NRG2: variants seen among roughly 807,000 people sequenced by gnomAD.
NRG2 encodes the protein pro-neuregulin-2, membrane-bound isoform.
In NRG2, 27 loss-of-function variants were observed where a neutral mutation model predicts 73.9. That is an observed-to-expected ratio of 0.37 (90% confidence interval 0.27 to 0.50). NRG2 has a LOEUF of 0.50. Ranked by LOEUF, NRG2 falls within the 20% of genes least tolerant of loss-of-function variation. The probability of loss-of-function intolerance (pLI) is 0.96; values close to 1 mark genes in which losing one functional copy is unlikely to be tolerated. For missense variants in NRG2, 1,126 were observed against 1,210.1 expected, an observed-to-expected ratio of 0.93 and a Z score of 1.03; for synonymous variants, 532 against 541.0, an observed-to-expected ratio of 0.98 and a Z score of 0.23.
At chr5:139,947,716 A>G (rs1345935818) in intron 1 of NRG2, among the ~76,000 whole-genome samples, 1 of 152,168 alleles carries the variant, frequency 6.6e-6, no homozygotes, top group Non-Finnish European at 1.5e-5. Context: ...AACATTTATT[A>G]TTATGCATCT....
chr5:139,905,690 G>C (rs1002266760), intron 1 of NRG2, among the ~76,000 whole-genome samples: 1 of 152,068 alleles, frequency 6.6e-6, no homozygotes, highest in Non-Finnish European at 1.5e-5. Flanking sequence ...TGGTGGGGGG[G>C]GGGCAGGTGT....
At chr5:140,016,182 G>C (rs1759763324) in intron 1 of NRG2, among the ~76,000 whole-genome samples, 1 of 152,204 alleles carries the variant, frequency 6.6e-6, no homozygotes. Context: ...ACTTGTAGGA[G>C]AGGCAGAAGG....
chr5:139,939,250 TTC>T (rs1214645834), intron 1 of NRG2, among the ~76,000 whole-genome samples: 6 of 149,430 alleles, frequency 4.0e-5, no homozygotes, highest in African/African-American at 1.5e-4. Flanking sequence ...CTTCCTTTCT[TTC>T]TTTCTTTCTT....
intron 1 of NRG2, among the ~76,000 whole-genome samples, chr5:139,989,995 A>C (rs398299): frequency 6.6e-6 from 1 of 151,062 alleles, no homozygotes; most frequent in Admixed American, 6.6e-5. Flanking sequence ...TCACCATGTT[A>C]GCCAGGATGG....
chr5:139,908,130 A>G (rs1256862755), intron 1 of NRG2, among the ~76,000 whole-genome samples: 1 of 152,262 alleles, frequency 6.6e-6, no homozygotes, highest in African/African-American at 2.4e-5. Context: ...ACTAGGACCC[A>G]TGCTCTTTAC....
intron 1 of NRG2, among the ~76,000 whole-genome samples, chr5:139,961,307 G>C (rs150206860): frequency 6.6e-6 from 1 of 152,098 alleles, no homozygotes; most frequent in African/African-American, 2.4e-5. Flanking sequence ...TCCCTGACTT[G>C]AGCCTCTACT....
At position 139,853,064 on chromosome 5, in the gene NRG2, C is replaced by A; in HGVS notation, c.1293-37G>T. On this transcript the variant is annotated intron_variant, in intron 6 of 9. Coordinates refer to ENST00000361474, the MANE Select transcript of NRG2 (RefSeq NM_004883.3). The surrounding 1 kb of genome is among the most constrained non-coding windows in gnomAD (Gnocchi z 4.1). ...AAGGGAAGGTGAGGCTGGCATTCCC[C>A]CCACTCGCCAACGATGAACTTCCCT... The A allele has an allele frequency of 6.2e-7, 1 of 1,610,730 alleles. No individual in the cohort carries two copies. Among genetic ancestry groups the A allele is most frequent in the South Asian group, 1.1e-5 (1 of 90,582 alleles).
chr5:139,871,746 C>G lies in NRG2; in HGVS notation c.1087G>C (p.Glu363Gln). 1.2e-6 allele frequency: 2 copies of G among 1,614,074 alleles called. No homozygotes were observed. Among genetic ancestry groups the G allele is most frequent in the South Asian group, 2.2e-5 (2 of 91,068 alleles). The change falls in exon 4 of 10, where the codon GAG (glutamate) becomes CAG (glutamine). Residue 363 changes from glutamate (E) to glutamine (Q), a missense_variant. Around this residue, in one of 3 missense-constraint regions of NRG2, gnomAD observed 539 missense variants for 703.2 expected, o/e 0.77. Coordinates refer to ENST00000361474, the MANE Select transcript of NRG2 (RefSeq NM_004883.3). ...TTGCAGGAGAGCTGGTTGATGCCCT[C>G]GATGTAGTAGCAGACGCCTCCATTG... ...CVNGGVCYYI[E>Q]GINQLSCKCP...
Position 139,852,507 on chromosome 5 carries a change from T to G in NRG2, c.1469A>C (p.Glu490Ala), listed in dbSNP as rs545788937. ...GGAGTGGCTCCCAGAGAAGGTGGTC[T>G]CAGTTTCTCTCCTGATGACATGGTC... ...ATDHVIRRET[E>A]TTFSGSHSCS... is the part of the protein sequence containing the mutation. The change falls in exon 8 of 10, where the codon GAG becomes GCG. Residue 490 changes from glutamate (E) to alanine (A), a missense_variant. By Grantham distance (107) the Glu-to-Ala change is moderately radical. Around this residue, in one of 3 missense-constraint regions of NRG2, gnomAD observed 539 missense variants for 703.2 expected, o/e 0.77. Transcript: ENST00000361474. The surrounding 1 kb of genome is among the most constrained non-coding windows in gnomAD (Gnocchi z 4.4). The G allele has an allele frequency of 5.6e-6, 9 of 1,614,130 alleles. No individual in the cohort carries two copies. The East Asian group carries it at 1.8e-4, about 32-fold the overall frequency.
rs1447316360 is a variant in NRG2 at position 139,853,355 on chromosome 5, T to C, written c.1293-328A>G. Among the ~76,000 whole-genome samples, 2 of 152,166 alleles carry C rather than the reference T, an allele frequency of 1.3e-5. No homozygotes were observed. Among genetic ancestry groups the C allele is most frequent in the Non-Finnish European group, 2.9e-5 (2 of 68,034 alleles). Reference sequence around the variant, plus strand: ...GATCATTTATCCATTCCAAAGACTATTGAGGATTAAAAGTATATGAAACAT... The same window carrying C: ...GATCATTTATCCATTCCAAAGACTACTGAGGATTAAAAGTATATGAAACAT... On this transcript the variant is annotated intron_variant, in intron 6 of 9. Transcript: ENST00000361474. The surrounding 1 kb of genome is among the most constrained non-coding windows in gnomAD (Gnocchi z 4.1).
At position 139,848,307 on chromosome 5, in the gene NRG2, G is replaced by C. The variant is rs1263227951; in HGVS notation, c.2163C>G (p.Pro721=). 3 of 1,175,506 alleles carry C rather than the reference G, an allele frequency of 2.6e-6. No individual in the cohort carries two copies. The highest frequency in any genetic ancestry group is 9.3e-5 in the Admixed American group (2 of 21,544). 72.8% of individuals were successfully genotyped at this position (1,175,506 alleles called of 1,614,324 possible). ...GCGCGCGCGGCCGCGGCGGCGGCGG[G>C]GGCGCGCACTCCTGCGTGGTCTCGT... The part of the protein sequence containing the change: ...DEYETTQECA[P]PPPPRPRARG... Residue 721 remains proline (P), a synonymous_variant, in exon 10 of 10, where the codon CCC becomes CCG. Coordinates refer to ENST00000361474, the MANE Select transcript of NRG2 (RefSeq NM_004883.3).
chr5:139,851,918 T>C lies in NRG2; in HGVS notation c.1545-87A>G. 1 of 1,143,932 alleles carries C rather than the reference T, an allele frequency of 8.7e-7. No homozygotes were observed. The highest frequency in any genetic ancestry group is 1.3e-6 in the Non-Finnish European group (1 of 786,092). The allele number at this position is 1,143,932 out of a possible 1,614,324, so 70.9% of individuals were successfully genotyped here. On this transcript the variant is annotated intron_variant, in intron 8 of 9. Transcript: ENST00000361474. This position sits in a 1 kb window ranked among gnomAD's most constrained non-coding sequence, Gnocchi z 4.2. ...TGGTCCCATGGACCTCCCTGGCTCTTCTTCCACCTCGAGCTCCCTTAGCTC... is the reference window on the plus strand; with the variant it reads ...TGGTCCCATGGACCTCCCTGGCTCTCCTTCCACCTCGAGCTCCCTTAGCTC...
At chr5:140,020,926 C>G (rs1371568328) in intron 1 of NRG2, among the ~76,000 whole-genome samples, 3 of 152,128 alleles carry the variant, frequency 2.0e-5, no homozygotes, top group Admixed American at 6.6e-5. Context: ...GTAGGACATG[C>G]CTGCCAGAAG....
chr5:139,930,999 G>A (rs1171058040), intron 1 of NRG2, among the ~76,000 whole-genome samples: 1 of 152,230 alleles, frequency 6.6e-6, no homozygotes, highest in Non-Finnish European at 1.5e-5. Flanking sequence ...AGCTTTGAGT[G>A]AGATAGATCT....
intron 1 of NRG2, among the ~76,000 whole-genome samples, chr5:139,962,296 T>A (rs1561711842): frequency 6.6e-6 from 1 of 152,090 alleles, no homozygotes; most frequent in African/African-American, 2.4e-5. Context: ...AGGGAGGCTG[T>A]GTTGGAGACA....
In NRG2 at chr5:139,904,627, G is replaced by A. The variant is rs1435625569; in HGVS notation, c.701-17116C>T. Among the ~76,000 whole-genome samples, 1 of 152,124 alleles carries A rather than the reference G, an allele frequency of 6.6e-6. No homozygotes were observed. The highest frequency in any genetic ancestry group is 2.4e-5 in the African/African-American group (1 of 41,442). On this transcript the variant is annotated intron_variant, in intron 1 of 9. Coordinates refer to ENST00000361474, the MANE Select transcript of NRG2 (RefSeq NM_004883.3). This position sits in a 1 kb window ranked among gnomAD's most constrained non-coding sequence, Gnocchi z 6.0. ...GTGTGGGCGGCCGGTCTGGGCCCTA[G>A]GCCCCCTCCCTGGGCCCACCGAGGT... is the stretch of plus-strand genomic sequence containing the variant.
chr5:139,941,941 T>C (rs1311897723), intron 1 of NRG2, among the ~76,000 whole-genome samples: 1 of 152,220 alleles, frequency 6.6e-6, no homozygotes, highest in African/African-American at 2.4e-5. Context: ...TACCGCCATA[T>C]AAATTTCACA....
At chr5:140,028,128 C>A (rs983593337) in intron 1 of NRG2, among the ~76,000 whole-genome samples, 1 of 152,070 alleles carries the variant, frequency 6.6e-6, no homozygotes, top group African/African-American at 2.4e-5. Context: ...GGTCCTGGAC[C>A]AGGAAAAGGC....
intron 3 of NRG2, among the ~76,000 whole-genome samples, chr5:139,872,828 A>G (rs995812020): frequency 6.6e-6 from 1 of 152,140 alleles, no homozygotes; most frequent in African/African-American, 2.4e-5. Flanking sequence ...CGCCCCAAAC[A>G]TCAGTTTTAG....
Sources: gnomAD v4.1 joint callset for allele counts (sites outside exome capture counted in the v4.1 genomes callset) on GRCh38, gnomAD v4.1.1 for gene constraint, gnomAD v4.1.1 regional missense constraint, Gnocchi (gnomAD v3.1) non-coding constraint, MANE v1.5 for transcripts, NCBI Gene and HGNC (gene_info 2026-07-23, HGNC 2026-07-21) for gene names.